DPF1: variants seen among roughly 807,000 people sequenced by gnomAD.
The protein encoded by DPF1 is zinc finger protein neuro-d4.
In DPF1, 14 loss-of-function variants were observed where a neutral mutation model predicts 58.7. That is an observed-to-expected ratio of 0.24 (90% confidence interval 0.16 to 0.37). DPF1 has a LOEUF of 0.37. Among genes scored for constraint, DPF1 ranks in the 10% least tolerant of loss-of-function variants. The pLI is 1.00. For synonymous variants in DPF1, 216 were observed against 216.0 expected (o/e 1.00, Z 0.00); for missense variants, 345 against 529.9 (o/e 0.65, Z 3.43).
At chr19:38,214,319 C>T (rs779410504) in intron 9 of DPF1, among the ~76,000 whole-genome samples, 20 of 152,218 alleles carry the variant, frequency 1.3e-4, no homozygotes, top group Non-Finnish European at 2.4e-4. Flanking sequence ...TCCACAGCCC[C>T]GCTGCAGAGA....
intron 10 of DPF1, among the ~76,000 whole-genome samples, chr19:38,213,347 CA>C (rs1973597733): frequency 2.0e-5 from 3 of 152,352 alleles, no homozygotes; most frequent in Middle Eastern, 6.8e-3. Context: ...CTTTAAATCT[CA>C]GCTCTGCCAT....
At position 38,222,174 on chromosome 19, in the gene DPF1, G is replaced by T. The variant is rs1014003639; in HGVS notation, c.298+183C>A. 2.0e-5 allele frequency among the ~76,000 whole-genome samples: 3 copies of T among 152,086 alleles called. No homozygotes were observed. Among genetic ancestry groups the T allele is most frequent in the Non-Finnish European group, 4.4e-5 (3 of 68,022 alleles). ...CTGGGCCCATGTAGGAGGAGATGCA[G>T]TCGCCACTCAGTGACTCAGAGAAAC... On this transcript the variant is annotated intron_variant, in intron 3 of 11. Transcript: ENST00000355526. This position sits in a 1 kb window ranked among gnomAD's most constrained non-coding sequence, Gnocchi z 4.9.
At chr19:38,217,377 GC>G (rs1187438882) in intron 7 of DPF1, 82 bp downstream of exon 7, 3 of 775,726 alleles carry the variant, frequency 3.9e-6, no homozygotes, top group Admixed American at 3.3e-5. Context: ...AATGTCTAAT[GC>G]CCCCCCACCC....
At chr19:38,216,812 C>T (rs1176851197) in intron 7 of DPF1, among the ~76,000 whole-genome samples, 1 of 152,200 alleles carries the variant, frequency 6.6e-6, no homozygotes, top group Admixed American at 6.5e-5. Flanking sequence ...GAAGGGCTCC[C>T]TGCCTCCCTT....
Position 38,229,522 on chromosome 19 carries a change from G to A in DPF1, c.-132+37C>T, listed in dbSNP as rs1469365439. ...GCGGGGGAAGGGCTCCTGGTGGGGG[G>A]GTCTGGACAGGGGGCGGGGACGGCA... On this transcript the variant is annotated intron_variant, in intron 1 of 11. Transcript: ENST00000412732. The surrounding 1 kb of genome is among the most constrained non-coding windows in gnomAD (Gnocchi z 5.3). 1.8e-6 allele frequency: 2 copies of A among 1,128,524 alleles called. No homozygotes were observed. The highest frequency in any genetic ancestry group is 2.2e-6 in the Non-Finnish European group (2 of 912,068). 69.9% of individuals were successfully genotyped at this position (1,128,524 alleles called of 1,614,324 possible).
chr19:38,222,725 C>A lies in DPF1; in HGVS notation c.30-17G>T, dbSNP rs776495311. Reference sequence around the variant, plus strand: ...TCGCCTAGGCTAGAGGGGCGGCGAACGGGCGGGCGGCTGTCAGCAAGGGCA... The same window carrying A: ...TCGCCTAGGCTAGAGGGGCGGCGAAAGGGCGGGCGGCTGTCAGCAAGGGCA... On this transcript the variant is annotated splice_polypyrimidine_tract_variant and intron_variant, in intron 1 of 11. Transcript: ENST00000355526. This position sits in a 1 kb window ranked among gnomAD's most constrained non-coding sequence, Gnocchi z 4.9. 1.3e-6 allele frequency: 2 copies of A among 1,566,222 alleles called. No individual in the cohort carries two copies. Among genetic ancestry groups the A allele is most frequent in the Non-Finnish European group, 1.7e-6 (2 of 1,155,758 alleles).
intron 10 of DPF1, among the ~76,000 whole-genome samples, chr19:38,213,214 G>A (rs893376922): frequency 1.3e-5 from 2 of 151,206 alleles, no homozygotes; most frequent in African/African-American, 4.9e-5. Context: ...ATCTCAGGTG[G>A]TCCACCCACC....
chr19:38,218,637 TGCGGAAACTCCA>T lies in DPF1; in HGVS notation c.440_451del (p.Leu147_Pro150del). On this transcript the variant is annotated inframe_deletion, in exon 5 of 12. Transcript: ENST00000355526. ...CTCCAAGTCTTCCACCTCGAGGTCA[TGCGGAAACTCCA>T]GCAACTGCTGTTTCTGGGCAATAGA... 1 of 1,614,204 alleles carries T rather than the reference TGCGGAAACTCCA, an allele frequency of 6.2e-7. No homozygotes were observed. The highest frequency in any genetic ancestry group is 8.5e-7 in the Non-Finnish European group (1 of 1,180,026).
Position 38,212,011 on chromosome 19 carries a change from G to C in DPF1, c.*52C>G, listed in dbSNP as rs1057431464. 1.3e-6 allele frequency: 2 copies of C among 1,580,744 alleles called. No homozygotes were observed. Among genetic ancestry groups the C allele is most frequent in the Non-Finnish European group, 1.7e-6 (2 of 1,161,650 alleles). ...AGGGTGGGGGAGAATTGAGGAGCTC[G>C]GAGAGGCAGGTAGGCGAGCACCACC... On this transcript the variant is annotated 3_prime_UTR_variant, in exon 12 of 12. Coordinates refer to ENST00000355526, the MANE Select transcript of DPF1 (RefSeq NM_001135155.3).
upstream of DPF1, among the ~76,000 whole-genome samples, chr19:38,226,502 C>CCACACACACACACACACACACA (rs758283337): frequency 1.8e-5 from 2 of 112,322 alleles, no homozygotes; most frequent in African/African-American, 6.5e-5. Context: ...ACGGTCACTT[C>CCACACACACACACACACACACA]TACACACACA....
chr19:38,229,425 A>C lies in DPF1; in HGVS notation c.-132+134T>G. On this transcript the variant is annotated intron_variant, in intron 1 of 11. Coordinates refer to the DPF1 transcript ENST00000412732. The surrounding 1 kb of genome is among the most constrained non-coding windows in gnomAD (Gnocchi z 5.3). ...GACAGGGGGTGGGGACCCCCGGGGC[A>C]AGGGTTCGCGCTGGGGGCCCCCATT... is the stretch of plus-strand genomic sequence containing the variant. 1 of 295,076 alleles carries C rather than the reference A, an allele frequency of 3.4e-6. No individual in the cohort carries two copies. The highest frequency in any genetic ancestry group is 5.3e-6 in the Non-Finnish European group (1 of 189,898). 18.3% of individuals were successfully genotyped at this position (295,076 alleles called of 1,614,324 possible).
In DPF1 at chr19:38,222,475, A is replaced by G. The variant is rs758063884; in HGVS notation, c.191-11T>C. On this transcript the variant is annotated splice_polypyrimidine_tract_variant and intron_variant, in intron 2 of 11. Transcript: ENST00000355526. The surrounding 1 kb of genome is among the most constrained non-coding windows in gnomAD (Gnocchi z 4.9). Reference sequence around the variant, plus strand: ...GTCCCGGGGCCAAACCTGGAGAGAGAGGGGGGTGAGAGGGCGGCGGCGGTG... The same window carrying G: ...GTCCCGGGGCCAAACCTGGAGAGAGGGGGGGGTGAGAGGGCGGCGGCGGTG... 6 of 1,580,416 alleles carry G rather than the reference A, an allele frequency of 3.8e-6. No individual in the cohort carries two copies. In the African/African-American group the frequency reaches 8.4e-5, roughly 22 times the overall value.
chr19:38,222,297 A>T lies in DPF1; in HGVS notation c.298+60T>A. On this transcript the variant is annotated intron_variant, in intron 3 of 11. Transcript: ENST00000355526. This position sits in a 1 kb window ranked among gnomAD's most constrained non-coding sequence, Gnocchi z 4.9. ...TAGAAGGCGATAAAGGTGATGGACG[A>T]GTGCTAGGACACACAGCAGGCGCTG... 2.2e-6 allele frequency: 3 copies of T among 1,386,748 alleles called. No homozygotes were observed. 85.9% of individuals were successfully genotyped at this position (1,386,748 alleles called of 1,614,324 possible). A position where few individuals can be genotyped will look rare whatever the true frequency, so the allele number is the denominator to read the frequency against.
rs1197749255 is a variant in DPF1 at position 38,218,629 on chromosome 19, C to T, written c.460G>A (p.Glu154Lys). 5.6e-6 allele frequency: 9 copies of T among 1,614,180 alleles called. No homozygotes were observed. The highest frequency in any genetic ancestry group is 7.6e-6 in the Non-Finnish European group (9 of 1,180,036). ...QQLLEFPHDL[E>K]VEDLEDDIPR... is the part of the protein sequence containing the mutation. ...ATGTCATCCTCCAAGTCTTCCACCTCGAGGTCATGCGGAAACTCCAGCAAC... is the reference window on the plus strand; with the variant it reads ...ATGTCATCCTCCAAGTCTTCCACCTTGAGGTCATGCGGAAACTCCAGCAAC... Residue 154 changes from glutamate to lysine, a missense_variant, in exon 5 of 12, where the codon GAG becomes AAG. Coordinates refer to ENST00000355526, the MANE Select transcript of DPF1 (RefSeq NM_001135155.3).
At chr19:38,228,354 T>G, upstream of DPF1, among the ~76,000 whole-genome samples, 1 of 145,540 alleles carries the variant, frequency 6.9e-6, no homozygotes, top group East Asian at 2.3e-4. Flanking sequence ...GCATCCCTTC[T>G]CGTGGGTGGG....
chr19:38,222,401 T>C lies in DPF1; in HGVS notation c.254A>G (p.Asn85Ser), dbSNP rs200845328. ...CCTGAGTCTGGGGTCCTCCAGGATG[T>C]TGAGTCTCCGTTTCTTCCTCCAACA... ...ARCWRKKRRL[N>S]ILEDPRLRPC... is the part of the protein sequence containing the mutation. The change falls in exon 3 of 12, where the codon AAC becomes AGC. Residue 85 changes from asparagine (N) to serine (S), a missense_variant. Asn to Ser is a conservative substitution (Grantham distance 46). Transcript: ENST00000355526. The surrounding 1 kb of genome is among the most constrained non-coding windows in gnomAD (Gnocchi z 4.9). 8.4e-5 allele frequency: 133 copies of C among 1,589,044 alleles called. No homozygotes were observed. In the East Asian group the frequency reaches 2.6e-3, roughly 31 times the overall value.
At chr19:38,225,558 G>A (rs554582133), upstream of DPF1, among the ~76,000 whole-genome samples, 4 of 150,908 alleles carry the variant, frequency 2.7e-5, no homozygotes, top group Non-Finnish European at 5.9e-5. Flanking sequence ...GGCAGAGCGA[G>A]ACTCTGTCTC....
upstream of DPF1, among the ~76,000 whole-genome samples, chr19:38,227,038 CTT>C: frequency 1.9e-5 from 1 of 53,414 alleles, no homozygotes; most frequent in Non-Finnish European, 3.8e-5. Context: ...TCCTTCCTTT[CTT>C]TCTTTCTTTC....
intron 3 of DPF1, among the ~76,000 whole-genome samples, chr19:38,220,555 A>C (rs980403617): frequency 2.6e-4 from 40 of 151,476 alleles, no homozygotes; most frequent in African/African-American, 9.7e-4. Flanking sequence ...CAGGAGGCGG[A>C]GCTTGCAGTG....
Sources: gnomAD v4.1 joint callset for allele counts (sites outside exome capture counted in the v4.1 genomes callset) on GRCh38, gnomAD v4.1.1 for gene constraint, Gnocchi (gnomAD v3.1) non-coding constraint, MANE v1.5 for transcripts, NCBI Gene and HGNC (gene_info 2026-07-23, HGNC 2026-07-21) for gene names.